The following DCC variants were observed in gnomAD, a reference collection of about 807,000 sequenced individuals.
The protein encoded by DCC is netrin receptor DCC.
In DCC, 58 loss-of-function variants were observed where a neutral mutation model predicts 172.5. The observed-to-expected ratio is 0.34, with a 90% CI of 0.27 to 0.42. The LOEUF is 0.42. Ranked by LOEUF, DCC falls within the 10% of genes least tolerant of loss-of-function variation. The probability of loss-of-function intolerance (pLI) is 1.00; values close to 1 mark genes in which losing one functional copy is unlikely to be tolerated. For synonymous variants in DCC, 709 were observed against 644.5 expected (o/e 1.10, Z -1.52); for missense variants, 1,740 against 1,791.0 (o/e 0.97, Z 0.51).
intron 5 of DCC, among the ~76,000 whole-genome samples, chr18:53,041,764 T>A (rs1306904821): frequency 1.3e-5 from 2 of 152,134 alleles, no homozygotes; most frequent in Non-Finnish European, 2.9e-5. Flanking sequence ...TTGTATTTTA[T>A]TCTCTTTGTA....
intron 1 of DCC, among the ~76,000 whole-genome samples, chr18:52,394,617 T>A (rs1472826589): frequency 6.6e-6 from 1 of 152,010 alleles, no homozygotes; most frequent in Non-Finnish European, 1.5e-5. Context: ...CCAATGTTTT[T>A]AAAAGCATAA....
chr18:53,272,596 A>G lies in DCC; in HGVS notation c.1912-32982A>G, dbSNP rs375133699. 3.3e-5 allele frequency among the ~76,000 whole-genome samples: 5 copies of G among 152,244 alleles called. No individual in the cohort carries two copies. In the East Asian group the frequency reaches 9.7e-4, roughly 29 times the overall value. On this transcript the variant is annotated intron_variant, in intron 12 of 28. Transcript: ENST00000442544. ...CATCTCAGATTGTTTTTATCTTCTA[A>G]TGGAAGTCATTCATTCCTTCACATA...
chr18:53,196,927 T>C (rs145301490), intron 9 of DCC, among the ~76,000 whole-genome samples: 2,496 of 152,190 alleles, frequency 0.016, 146 homozygotes, highest in Admixed American at 0.11. Context: ...CTCCTAACTA[T>C]GTACAGTTCA....
intron 2 of DCC, among the ~76,000 whole-genome samples, chr18:52,800,013 CGTA>C (rs746056293): frequency 1.8e-4 from 27 of 152,186 alleles, no homozygotes; most frequent in Admixed American, 2.6e-4. Context: ...AATTTTAAGA[CGTA>C]GTAGTTGTCA....
chr18:52,697,306 T>C (rs888755076), intron 1 of DCC, among the ~76,000 whole-genome samples: 1 of 152,216 alleles, frequency 6.6e-6, no homozygotes, highest in Non-Finnish European at 1.5e-5. Context: ...AGTTTACTGT[T>C]ATCCACAATA....
intron 12 of DCC, among the ~76,000 whole-genome samples, chr18:53,223,824 TA>T: frequency 6.6e-6 from 1 of 152,172 alleles, no homozygotes; most frequent in Non-Finnish European, 1.5e-5. Context: ...TAACACGAGC[TA>T]TTTTAGTCAA....
At chr18:52,414,154 C>T (rs1270249614) in intron 1 of DCC, among the ~76,000 whole-genome samples, 3 of 152,104 alleles carry the variant, frequency 2.0e-5, no homozygotes, top group Admixed American at 1.3e-4. Context: ...AATCTCAGCT[C>T]ACTGCAACCT....
intron 2 of DCC, chr18:52,892,371 CT>C (rs1205887315): frequency 6.6e-6 from 1 of 152,116 alleles, no homozygotes; most frequent in Non-Finnish European, 1.5e-5. Context: ...ATATATCTGA[CT>C]TCCCAGGTGT....
chr18:53,461,358 T>C (rs1269087116), intron 24 of DCC, among the ~76,000 whole-genome samples: 1 of 151,880 alleles, frequency 6.6e-6, no homozygotes, highest in African/African-American at 2.4e-5. Context: ...TCCTTGCCCA[T>C]GCCTATGTCC....
At chr18:53,226,480 T>C (rs2056029586) in intron 12 of DCC, among the ~76,000 whole-genome samples, 1 of 152,124 alleles carries the variant, frequency 6.6e-6, no homozygotes, top group Non-Finnish European at 1.5e-5. Context: ...AAAAAGCACA[T>C]CAGCGGGACA....
At chr18:52,480,555 AATAGCAC>A (rs1233181564) in intron 1 of DCC, among the ~76,000 whole-genome samples, 29 of 152,186 alleles carry the variant, frequency 1.9e-4, no homozygotes, top group Non-Finnish European at 2.5e-4. Context: ...TGATAAAATT[AATAGCAC>A]CAATCTCATA....
intron 7 of DCC, among the ~76,000 whole-genome samples, chr18:53,118,007 G>A (rs556265819): frequency 2.4e-3 from 369 of 151,792 alleles, no homozygotes; most frequent in African/African-American, 8.7e-3. Flanking sequence ...CAGCCTCTAC[G>A]TCACAGCATC....
chr18:52,844,721 A>T (rs951004701), intron 2 of DCC, among the ~76,000 whole-genome samples: 1 of 152,192 alleles, frequency 6.6e-6, no homozygotes, highest in Admixed American at 6.5e-5. Context: ...TTAAAACTAA[A>T]AGTCATTCTC....
At chr18:53,326,467 C>T (rs1452638777) in intron 14 of DCC, among the ~76,000 whole-genome samples, 1 of 152,082 alleles carries the variant, frequency 6.6e-6, no homozygotes, top group East Asian at 1.9e-4. Context: ...TCCTTTCTTT[C>T]CTTCTGGTTT....
At chr18:53,387,981 G>A (rs903832254) in intron 16 of DCC, among the ~76,000 whole-genome samples, 3 of 152,200 alleles carry the variant, frequency 2.0e-5, no homozygotes, top group Non-Finnish European at 1.5e-5. Context: ...AACCACTGGA[G>A]TCATTATCAG....
chr18:53,182,918 A>G (rs1391411009), intron 9 of DCC, among the ~76,000 whole-genome samples: 1 of 152,134 alleles, frequency 6.6e-6, no homozygotes, highest in African/African-American at 2.4e-5. Context: ...GACTATCAGA[A>G]TTTAGTGGCA....
chr18:52,724,227 A>G (rs1036469356), intron 1 of DCC, among the ~76,000 whole-genome samples: 1 of 152,120 alleles, frequency 6.6e-6, no homozygotes, highest in Non-Finnish European at 1.5e-5. Context: ...ACTCACTGCA[A>G]TTTTGGCCTC....
At chr18:53,421,595 T>C (rs1454150858) in intron 21 of DCC, among the ~76,000 whole-genome samples, 1 of 152,206 alleles carries the variant, frequency 6.6e-6, no homozygotes, top group Non-Finnish European at 1.5e-5. Context: ...GGTCTAGCTT[T>C]TCATTTGGAA....
At position 53,092,208 on chromosome 18, in the gene DCC, T is replaced by G. The variant is rs150487351; in HGVS notation, c.1261+26042T>G. The stretch of plus-strand genomic sequence containing the variant: ...CTTAAATTTTTTAAATATTATCCAT[T>G]ATTAGAGTAGCTGGTAGGTTTATAA... On this transcript the variant is annotated intron_variant, in intron 7 of 28. Transcript: ENST00000442544. 5.0e-4 allele frequency among the ~76,000 whole-genome samples: 76 copies of G among 152,250 alleles called. 1 individual carries two copies. The East Asian group carries it at 0.013, about 26-fold the overall frequency.
Sources: gnomAD v4.1 joint callset for allele counts (sites outside exome capture counted in the v4.1 genomes callset) on GRCh38, gnomAD v4.1.1 for gene constraint, MANE v1.5 for transcripts, NCBI Gene and HGNC (gene_info 2026-07-23, HGNC 2026-07-21) for gene names.